The following MAGI2 variants were observed in gnomAD, a reference collection of about 807,000 sequenced individuals.
MAGI2 encodes membrane-associated guanylate kinase, WW and PDZ domain-containing protein 2.
A neutral mutation model predicts 133.3 loss-of-function variants in MAGI2; 35 were observed. The ratio of observed to expected loss-of-function variants is 0.26; its 90% confidence interval spans 0.20 to 0.35. The LOEUF is 0.35. Ranked by LOEUF, MAGI2 falls within the 10% of genes least tolerant of loss-of-function variation. The pLI is 1.00. For missense variants in MAGI2, 1,636 were observed against 1,863.4 expected, an observed-to-expected ratio of 0.88 and a Z score of 2.25; for synonymous variants, 729 against 710.6, an observed-to-expected ratio of 1.03 and a Z score of -0.41.
chr7:78,305,477 A>G (rs1204114359), intron 9 of MAGI2, among the ~76,000 whole-genome samples: 1 of 152,156 alleles, frequency 6.6e-6, no homozygotes, highest in Non-Finnish European at 1.5e-5. Context: ...GAAATAAATG[A>G]CTATCTGTTT....
chr7:78,166,938 C>T (rs929090356), intron 15 of MAGI2, among the ~76,000 whole-genome samples: 1 of 152,150 alleles, frequency 6.6e-6, no homozygotes, highest in African/African-American at 2.4e-5. Flanking sequence ...GACTGCTGGG[C>T]AAGCTACCAA....
intron 13 of MAGI2, among the ~76,000 whole-genome samples, chr7:78,184,009 C>G (rs1029674166): frequency 2.0e-5 from 3 of 152,212 alleles, no homozygotes; most frequent in African/African-American, 7.2e-5. Context: ...TATATTATAA[C>G]TTTTGTCTTC....
intron 2 of MAGI2, among the ~76,000 whole-genome samples, chr7:78,782,730 G>C (rs934483468): frequency 3.3e-5 from 5 of 152,114 alleles, no homozygotes; most frequent in African/African-American, 7.2e-5. Flanking sequence ...TGTGGGCCAA[G>C]CAGATATGGC....
At chr7:79,448,845 T>C (rs10265155) in intron 1 of MAGI2, among the ~76,000 whole-genome samples, 53,001 of 151,878 alleles carry the variant, frequency 0.35, 9,637 homozygotes, top group African/African-American at 0.46. Context: ...ATGTTAAGAA[T>C]AGGGACAGTA....
At chr7:79,135,955 G>GA (rs1821369268) in intron 1 of MAGI2, among the ~76,000 whole-genome samples, 1 of 20,650 alleles carries the variant, frequency 4.8e-5, no homozygotes, top group Non-Finnish European at 3.8e-4. Context: ...AAGAAAGAAA[G>GA]AAAGAAAGAA....
At chr7:78,498,979 T>A (rs1013801158) in intron 5 of MAGI2, among the ~76,000 whole-genome samples, 1 of 152,014 alleles carries the variant, frequency 6.6e-6, no homozygotes, top group Admixed American at 6.6e-5. Context: ...ATTTTCCACC[T>A]CCATCCATTT....
intron 6 of MAGI2, among the ~76,000 whole-genome samples, chr7:78,482,333 T>C (rs935844685): frequency 1.3e-5 from 2 of 151,874 alleles, no homozygotes; most frequent in African/African-American, 4.8e-5. Flanking sequence ...TTCTAGAAAA[T>C]AGTCTGGCAG....
chr7:78,622,367 G>A (rs1459893782), intron 3 of MAGI2, among the ~76,000 whole-genome samples: 1 of 151,986 alleles, frequency 6.6e-6, no homozygotes, highest in African/African-American at 2.4e-5. Context: ...ATACTGCGAA[G>A]GCATGAGACT....
chr7:79,291,208 G>A (rs1353983175), intron 1 of MAGI2, among the ~76,000 whole-genome samples: 2 of 151,650 alleles, frequency 1.3e-5, no homozygotes, highest in East Asian at 1.9e-4. Flanking sequence ...TTAGCATAAC[G>A]TTTTCAAGTT....
intron 10 of MAGI2, among the ~76,000 whole-genome samples, chr7:78,206,245 C>G (rs75402943): frequency 6.6e-6 from 1 of 151,430 alleles, no homozygotes. Flanking sequence ...ATCATGATAT[C>G]GTCAATTTGG....
At chr7:78,926,247 A>C (rs1799682812) in intron 2 of MAGI2, among the ~76,000 whole-genome samples, 1 of 152,050 alleles carries the variant, frequency 6.6e-6, no homozygotes, top group African/African-American at 2.4e-5. Context: ...GAAATTAAAA[A>C]GCAGAGTCTG....
At chr7:79,246,299 C>G (rs2129555354) in intron 1 of MAGI2, among the ~76,000 whole-genome samples, 1 of 152,146 alleles carries the variant, frequency 6.6e-6, no homozygotes, top group East Asian at 1.9e-4. Context: ...ACCAAACAAA[C>G]TAAATAAGGC....
chr7:78,823,695 G>GA (rs1416542768), intron 2 of MAGI2, among the ~76,000 whole-genome samples: 1 of 151,782 alleles, frequency 6.6e-6, no homozygotes, highest in Non-Finnish European at 1.5e-5. Flanking sequence ...TTAGGTAGAA[G>GA]AATAAGAGCT....
intron 16 of MAGI2, among the ~76,000 whole-genome samples, chr7:78,136,818 A>G (rs1393088409): frequency 2.6e-5 from 4 of 152,250 alleles, no homozygotes. Context: ...ACATTAGCTA[A>G]TAACCATGGC....
intron 2 of MAGI2, among the ~76,000 whole-genome samples, chr7:78,958,415 T>C (rs1259917282): frequency 5.9e-5 from 9 of 152,158 alleles, no homozygotes; most frequent in Non-Finnish European, 2.9e-5. Flanking sequence ...GTTCTTATTA[T>C]GCTTCTCCAG....
chr7:78,115,273 C>T (rs1263391766), intron 20 of MAGI2, among the ~76,000 whole-genome samples: 3 of 151,176 alleles, frequency 2.0e-5, no homozygotes, highest in Admixed American at 2.0e-4. Context: ...AACCGGAACC[C>T]CAAAGAACAA....
intron 6 of MAGI2, among the ~76,000 whole-genome samples, chr7:78,393,992 C>G (rs1240996359): frequency 6.6e-6 from 1 of 151,666 alleles, no homozygotes; most frequent in Non-Finnish European, 1.5e-5. Context: ...GCTAGAGAAC[C>G]AGAAAAGCTG....
At chr7:78,113,393 C>T (rs1321916074) in intron 20 of MAGI2, among the ~76,000 whole-genome samples, 2 of 152,102 alleles carry the variant, frequency 1.3e-5, no homozygotes, top group Non-Finnish European at 2.9e-5. Flanking sequence ...TTAAAAGATG[C>T]TCTCCGTACC....
chr7:79,168,131 T>C (rs1449695876), intron 1 of MAGI2, among the ~76,000 whole-genome samples: 1 of 152,118 alleles, frequency 6.6e-6, no homozygotes, highest in Non-Finnish European at 1.5e-5. Context: ...TTAATAAATA[T>C]GTGGGTAAAT....
Sources: gnomAD v4.1 joint callset for allele counts (sites outside exome capture counted in the v4.1 genomes callset) on GRCh38, gnomAD v4.1.1 for gene constraint, MANE v1.5 for transcripts, NCBI Gene and HGNC (gene_info 2026-07-23, HGNC 2026-07-21) for gene names.